SLC19A1: variants seen among roughly 807,000 people sequenced by gnomAD.
The protein encoded by SLC19A1 is reduced folate transporter.
Under a neutral mutation model 35.3 loss-of-function variants are expected in SLC19A1, and 37 were observed. That is an observed-to-expected ratio of 1.05 (90% CI 0.81 to 1.38). The LOEUF is 1.38. Among genes scored for constraint, SLC19A1 ranks in the 40% most tolerant of loss-of-function variants. The pLI, the probability that SLC19A1 is intolerant of heterozygous loss-of-function variation, is 0.00. For missense variants in SLC19A1, 831 were observed against 826.9 expected (o/e 1.00, Z -0.06); for synonymous variants, 460 against 398.5 (o/e 1.15, Z -1.84).
At chr21:45,559,705 C>G (rs1160477849) in intron 1 of SLC19A1, among the ~76,000 whole-genome samples, 1 of 152,176 alleles carries the variant, frequency 6.6e-6, no homozygotes, top group Non-Finnish European at 1.5e-5. Context: ...GGTTCCACAT[C>G]AGCACACGCA....
intron 2 of SLC19A1, chr21:45,536,206 C>G (rs990619247): frequency 1.3e-5 from 2 of 157,090 alleles, no homozygotes; most frequent in East Asian, 3.5e-4. Flanking sequence ...GGCTTAATTT[C>G]TGGAATCTAC....
chr21:45,514,116 C>G lies in SLC19A1; in HGVS notation c.*1542G>C, dbSNP rs2037764326. The stretch of plus-strand genomic sequence containing the variant: ...GCAGGCTGCGGAGGGAGCAGGCCCT[C>G]AGGTTGGGGAGGCGCTGGGAGGAGG... On this transcript the variant is annotated 3_prime_UTR_variant, in exon 6 of 6. Coordinates refer to ENST00000311124, the MANE Select transcript of SLC19A1 (RefSeq NM_194255.4). 1 of 152,668 alleles carries G rather than the reference C, an allele frequency of 6.6e-6. No individual in the cohort carries two copies. The highest frequency in any genetic ancestry group is 1.5e-5 in the Non-Finnish European group (1 of 68,418). 9.5% of individuals were successfully genotyped at this position (152,668 alleles called of 1,614,324 possible).
In SLC19A1 at chr21:45,514,686, C is replaced by A; in HGVS notation, c.*972G>T. The A allele has an allele frequency of 3.4e-6, 1 of 297,096 alleles. No individual in the cohort carries two copies. 18.4% of individuals were successfully genotyped at this position (297,096 alleles called of 1,614,324 possible). ...GCTGACCCTCAACCCCCAGGCCAGGCCGGCCCTGAATCAGAAGCCCTGCGC... is the reference window on the plus strand; with the variant it reads ...GCTGACCCTCAACCCCCAGGCCAGGACGGCCCTGAATCAGAAGCCCTGCGC... On this transcript the variant is annotated 3_prime_UTR_variant, in exon 6 of 6. Transcript: ENST00000311124.
At chr21:45,555,542 C>T (rs1181684807) in intron 1 of SLC19A1, among the ~76,000 whole-genome samples, 12 of 36,380 alleles carry the variant, frequency 3.3e-4, no homozygotes, top group East Asian at 1.6e-3. Context: ...GGGGCGGCGG[C>T]GGGGGCGGCG....
chr21:45,503,509 C>T (rs1255455395), intron 3 of SLC19A1, among the ~76,000 whole-genome samples: 1 of 151,584 alleles, frequency 6.6e-6, no homozygotes, highest in East Asian at 1.9e-4. Context: ...AATTGGAAAT[C>T]ATCATTCTCA....
chr21:45,504,530 GGC>G, intron 3 of SLC19A1: 1 of 1,571,568 alleles, frequency 6.4e-7, no homozygotes, highest in Non-Finnish European at 8.6e-7. Flanking sequence ...AGGCCCCCCA[GGC>G]CCACGTGGCT....
Position 45,504,458 on chromosome 21 carries a change from A to AG in SLC19A1, c.498-5847dup, listed in dbSNP as rs747526674. 1.2e-6 allele frequency: 2 copies of AG among 1,611,116 alleles called. No homozygotes were observed. The highest frequency in any genetic ancestry group is 2.2e-5 in the East Asian group (1 of 44,856). Reference sequence around the variant, plus strand: ...AGGTGATGCAGGACAGAAAGGCGAAAGGGGGGAGCCCGGGGGCGGCGGTTT... The same window carrying AG: ...AGGTGATGCAGGACAGAAAGGCGAAAGGGGGGGAGCCCGGGGGCGGCGGTTT... On this transcript the variant is annotated intron_variant, in intron 3 of 4. Transcript: ENST00000417954.
downstream of SLC19A1, chr21:45,509,639 C>T: frequency 9.1e-7 from 1 of 1,094,158 alleles, no homozygotes; most frequent in Non-Finnish European, 1.3e-6. Context: ...CTCCATCTAG[C>T]CCCTCGGCTC....
At chr21:45,509,121 G>A (rs956772673), downstream of SLC19A1, among the ~76,000 whole-genome samples, 5 of 152,090 alleles carry the variant, frequency 3.3e-5, no homozygotes, top group Non-Finnish European at 5.9e-5. Context: ...TTCTGAGCAC[G>A]GCTGGGTCTG....
At chr21:45,559,464 G>A (rs1303288627) in intron 1 of SLC19A1, among the ~76,000 whole-genome samples, 1 of 152,232 alleles carries the variant, frequency 6.6e-6, no homozygotes, top group Non-Finnish European at 1.5e-5. Context: ...GAGACCACGG[G>A]AAGGCCAGGT....
At chr21:45,559,548 T>G (rs774850248) in intron 1 of SLC19A1, among the ~76,000 whole-genome samples, 8 of 152,216 alleles carry the variant, frequency 5.3e-5, no homozygotes, top group Non-Finnish European at 7.3e-5. Context: ...TTTATTTTAT[T>G]GAGGCCCCTG....
chr21:45,507,251 C>T, intron 3 of SLC19A1: 1 of 450,210 alleles, frequency 2.2e-6, no homozygotes, highest in East Asian at 4.2e-5. Context: ...GAGGTGGGTG[C>T]TGGGCAGGGA....
chr21:45,528,777 C>T (rs1042532514), intron 4 of SLC19A1, among the ~76,000 whole-genome samples: 2 of 152,200 alleles, frequency 1.3e-5, no homozygotes, highest in Admixed American at 1.3e-4. Flanking sequence ...GTAAGGCCCA[C>T]CACTCATGAC....
chr21:45,503,736 T>G (rs558895269), intron 3 of SLC19A1, among the ~76,000 whole-genome samples: 9 of 151,742 alleles, frequency 5.9e-5, no homozygotes, highest in Non-Finnish European at 1.0e-4. Flanking sequence ...TGTATACATA[T>G]GTAACTAACC....
downstream of SLC19A1, chr21:45,511,327 T>C: frequency 1.4e-6 from 1 of 711,930 alleles, no homozygotes; most frequent in Admixed American, 2.0e-5. Flanking sequence ...TTTGGACAAA[T>C]CTTATACATG....
At chr21:45,504,703 TGG>T (rs1204469850) in intron 3 of SLC19A1, 1 of 719,062 alleles carries the variant, frequency 1.4e-6, no homozygotes, top group African/African-American at 1.8e-5. Context: ...TGTCCCCGTG[TGG>T]GGACGCAGCA....
downstream of SLC19A1, among the ~76,000 whole-genome samples, chr21:45,508,125 G>A (rs73370874): frequency 0.016 from 2,448 of 151,256 alleles, 60 homozygotes; most frequent in African/African-American, 0.057. Context: ...GTGAGTGGAC[G>A]GGTGGGTGGG....
chr21:45,552,648 C>T (rs1210683546), intron 1 of SLC19A1, among the ~76,000 whole-genome samples: 1 of 151,670 alleles, frequency 6.6e-6, no homozygotes, highest in East Asian at 1.9e-4. Context: ...ACAGCCCCAG[C>T]CCCAGCAGAG....
At chr21:45,537,719 T>TGGGGGGGGGCCCC in intron 2 of SLC19A1, 52 bp downstream of exon 2, 5 of 319,774 alleles carry the variant, frequency 1.6e-5, no homozygotes, top group East Asian at 5.2e-5. Flanking sequence ...CAGACGCTGC[T>TGGGGGGGGGCCCC]CCCCGCCCAC....
Sources: allele counts gnomAD v4.1 joint callset (sites outside exome capture counted in the v4.1 genomes callset), GRCh38; gene constraint gnomAD v4.1.1; transcripts MANE v1.5; gene names NCBI Gene and HGNC (gene_info 2026-07-23, HGNC 2026-07-21).